Variants in JPH1 observed in about 807,000 individuals in gnomAD.
JPH1 encodes the protein junctophilin 1.
Under a neutral mutation model 53.6 loss-of-function variants are expected in JPH1, and 12 were observed. The observed-to-expected ratio is 0.22, with a 90% CI of 0.14 to 0.36. The LOEUF (loss-of-function observed/expected upper bound fraction) is 0.36, where lower values mean the gene tolerates loss of function less well. Ranked by LOEUF, JPH1 falls within the 10% of genes least tolerant of loss-of-function variation. The probability of loss-of-function intolerance (pLI) is 1.00; values close to 1 mark genes in which losing one functional copy is unlikely to be tolerated. For missense variants in JPH1, 808 were observed against 905.5 expected, an observed-to-expected ratio of 0.89 and a Z score of 1.38; for synonymous variants, 375 against 363.8, an observed-to-expected ratio of 1.03 and a Z score of -0.35.
chr8:74,259,290 C>A, intron 3 of JPH1, 95 bp downstream of exon 3: 1 of 955,988 alleles, frequency 1.0e-6, no homozygotes, highest in South Asian at 1.5e-5. Flanking sequence ...TGCTGGGATT[C>A]AGGAAGCACA....
chr8:74,281,917 G>C (rs79568679), intron 2 of JPH1, among the ~76,000 whole-genome samples: 2 of 152,108 alleles, frequency 1.3e-5, no homozygotes, highest in African/African-American at 2.4e-5. Context: ...ATGGGGAAAG[G>C]CTACGCAGAA....
chr8:74,275,396 A>G (rs1806818411), intron 2 of JPH1, among the ~76,000 whole-genome samples: 1 of 152,118 alleles, frequency 6.6e-6, no homozygotes, highest in African/African-American at 2.4e-5. Flanking sequence ...CCCCAAATAA[A>G]TCCCATGTTA....
intron 2 of JPH1, among the ~76,000 whole-genome samples, chr8:74,272,527 C>G (rs1287137145): frequency 1.3e-5 from 2 of 151,350 alleles, no homozygotes; most frequent in African/African-American, 4.9e-5. Context: ...CGGCTCAAAG[C>G]ATGATCTTGT....
intron 2 of JPH1, among the ~76,000 whole-genome samples, chr8:74,311,572 G>A (rs1453064505): frequency 1.3e-5 from 2 of 151,750 alleles, no homozygotes; most frequent in African/African-American, 4.8e-5. Context: ...TACACAATGT[G>A]CAGGTTAGTT....
chr8:74,245,590 A>G (rs1368944285), intron 3 of JPH1, among the ~76,000 whole-genome samples: 4 of 152,236 alleles, frequency 2.6e-5, no homozygotes, highest in Non-Finnish European at 4.4e-5. Flanking sequence ...GAGAACCTGT[A>G]GATAACATAT....
intron 1 of JPH1, among the ~76,000 whole-genome samples, chr8:74,318,754 C>A (rs1351809520): frequency 6.6e-6 from 1 of 152,148 alleles, no homozygotes; most frequent in African/African-American, 2.4e-5. Flanking sequence ...CAAACAAAAA[C>A]AAGCTAACTC....
chr8:74,304,868 G>A (rs1182972804), intron 2 of JPH1, among the ~76,000 whole-genome samples: 1 of 152,202 alleles, frequency 6.6e-6, no homozygotes, highest in Non-Finnish European at 1.5e-5. Flanking sequence ...GGCCCACATG[G>A]AAGTCCTAAG....
At chr8:74,262,384 C>T (rs1374385587) in intron 2 of JPH1, among the ~76,000 whole-genome samples, 1 of 152,132 alleles carries the variant, frequency 6.6e-6, no homozygotes, top group Non-Finnish European at 1.5e-5. Context: ...CAGTCAATTG[C>T]GATTGTTCTT....
intron 2 of JPH1, among the ~76,000 whole-genome samples, chr8:74,286,931 TA>T (rs1807180102): frequency 6.6e-6 from 1 of 151,886 alleles, no homozygotes; most frequent in African/African-American, 2.4e-5. Context: ...AAATGGAAAA[TA>T]AAATGGAAAA....
chr8:74,251,496 C>A (rs1345425921), intron 3 of JPH1, among the ~76,000 whole-genome samples: 5 of 152,164 alleles, frequency 3.3e-5, no homozygotes. Flanking sequence ...TGCATGTACA[C>A]AGTTATCTAT....
At position 74,291,920 on chromosome 8, in the gene JPH1, G is replaced by C. The variant is rs529631955; in HGVS notation, c.1139+22941C>G. On this transcript the variant is annotated intron_variant, in intron 2 of 5. Coordinates refer to ENST00000342232, the MANE Select transcript of JPH1 (RefSeq NM_020647.4). ...AAACCATCATTCTCAGCAAACTATC[G>C]CAAGGACAGAAAACCAAACACCACA... Among the ~76,000 whole-genome samples the C allele has an allele frequency of 2.6e-3, 403 of 152,244 alleles. 1 individual carries two copies. Among genetic ancestry groups the C allele is most frequent in the African/African-American group, 9.4e-3 (392 of 41,540 alleles).
intron 2 of JPH1, among the ~76,000 whole-genome samples, chr8:74,260,399 G>A (rs1338768859): frequency 6.6e-6 from 1 of 152,152 alleles, no homozygotes; most frequent in African/African-American, 2.4e-5. Flanking sequence ...GAGGGTTGGA[G>A]GGAAGAAAAA....
At chr8:74,239,784 A>C (rs6996715) in intron 4 of JPH1, among the ~76,000 whole-genome samples, 1 of 151,996 alleles carries the variant, frequency 6.6e-6, no homozygotes, top group Non-Finnish European at 1.5e-5. Context: ...TCCTTTGAGC[A>C]TCATGTTGGT....
In JPH1 at chr8:74,235,245, G is replaced by A. The variant is rs987652473; in HGVS notation, c.*1806C>T. The A allele has an allele frequency of 6.6e-6, 1 of 152,466 alleles. No homozygotes were observed. Among genetic ancestry groups the A allele is most frequent in the Non-Finnish European group, 1.5e-5 (1 of 67,980 alleles). The allele number at this position is 152,466 out of a possible 1,614,324, so 9.4% of individuals were successfully genotyped here. A position where few individuals can be genotyped will look rare whatever the true frequency, so the allele number is the denominator to read the frequency against. On this transcript the variant is annotated 3_prime_UTR_variant, in exon 6 of 6. Transcript: ENST00000342232. Reference sequence around the variant, plus strand: ...TAAACATTTGTTCTCAGGTAAAAACGGACTTCCTAAATTTAAAAGTCAAAG... The same window carrying A: ...TAAACATTTGTTCTCAGGTAAAAACAGACTTCCTAAATTTAAAAGTCAAAG...
intron 2 of JPH1, among the ~76,000 whole-genome samples, chr8:74,287,913 T>C (rs533267987): frequency 2.0e-5 from 3 of 152,260 alleles, no homozygotes; most frequent in Admixed American, 6.5e-5. Flanking sequence ...AGAGAAAACA[T>C]CTATGTCGTT....
intron 2 of JPH1, among the ~76,000 whole-genome samples, chr8:74,271,796 T>G (rs888169610): frequency 2.0e-4 from 31 of 152,142 alleles, no homozygotes; most frequent in Admixed American, 7.9e-4. Context: ...CCAGTAACCC[T>G]GAAAACATGA....
intron 2 of JPH1, among the ~76,000 whole-genome samples, chr8:74,299,251 A>G (rs1301339474): frequency 6.6e-6 from 1 of 152,060 alleles, no homozygotes; most frequent in Non-Finnish European, 1.5e-5. Context: ...GACCTTCTTT[A>G]TTCACCTCGT....
chr8:74,304,196 C>T (rs140613448), intron 2 of JPH1, among the ~76,000 whole-genome samples: 369 of 152,336 alleles, frequency 2.4e-3, no homozygotes, highest in African/African-American at 8.4e-3. Context: ...CCTAACCAGA[C>T]TCCATGATGA....
In JPH1 at chr8:74,244,536, G is replaced by A; in HGVS notation, c.1898C>T (p.Ala633Val). The A allele has an allele frequency of 6.2e-7, 1 of 1,602,158 alleles. No individual in the cohort carries two copies. Among genetic ancestry groups the A allele is most frequent in the Non-Finnish European group, 8.5e-7 (1 of 1,175,652 alleles). ...NDSCPALEKEANSGPNSIMIV... is the reference protein window; with the variant it reads ...NDSCPALEKEVNSGPNSIMIV... ...GCTACTTGCAGTACTTACTGAATTGGCTTCTTTTTCCAAAGCAGGGCATGA... is the reference window on the plus strand; with the variant it reads ...GCTACTTGCAGTACTTACTGAATTGACTTCTTTTTCCAAAGCAGGGCATGA... Residue 633 changes from alanine (A) to valine (V), a missense_variant, in exon 4 of 6, where the codon GCC (alanine) becomes GTC (valine). Physicochemically the swap from Ala to Val is moderately conservative, Grantham distance 64 (BLOSUM62 0). Around this residue, in one of 2 missense-constraint regions of JPH1, gnomAD observed 756 missense variants for 811.9 expected, o/e 0.93. Coordinates refer to ENST00000342232, the MANE Select transcript of JPH1 (RefSeq NM_020647.4).
Sources: gnomAD v4.1 joint callset for allele counts (sites outside exome capture counted in the v4.1 genomes callset) on GRCh38, gnomAD v4.1.1 for gene constraint, gnomAD v4.1.1 regional missense constraint, MANE v1.5 for transcripts, NCBI Gene and HGNC (gene_info 2026-07-23, HGNC 2026-07-21) for gene names.